ADCY5: variants seen among roughly 807,000 people sequenced by gnomAD.
ADCY5 encodes the protein adenylate cyclase 5.
Under a neutral mutation model 119.7 loss-of-function variants are expected in ADCY5, and 30 were observed. The ratio of observed to expected loss-of-function variants is 0.25; its 90% CI spans 0.19 to 0.34. The LOEUF is 0.34. ADCY5 is among the 10% of genes least tolerant of loss of function. The probability of loss-of-function intolerance (pLI) is 1.00; values close to 1 mark genes in which losing one functional copy is unlikely to be tolerated. For synonymous variants in ADCY5, 753 were observed against 762.2 expected, an observed-to-expected ratio of 0.99 and a Z score of 0.20; for missense variants, 1,324 against 1,775.2, an observed-to-expected ratio of 0.75 and a Z score of 4.57.
chr3:123,447,292 G>A (rs542887504), intron 1 of ADCY5, 120 bp downstream of exon 1: 2 of 1,172,162 alleles, frequency 1.7e-6, no homozygotes, highest in South Asian at 1.7e-5. Context: ...ACATGGCCGA[G>A]CCCTGTCTCT....
At chr3:123,383,872 AAC>A (rs1325174736) in intron 1 of ADCY5, among the ~76,000 whole-genome samples, 14 of 138,040 alleles carry the variant, frequency 1.0e-4, no homozygotes, top group African/African-American at 3.0e-4. Flanking sequence ...CACACACACA[AAC>A]ACACACACAC....
intron 12 of ADCY5, among the ~76,000 whole-genome samples, chr3:123,308,240 T>C (rs1225657269): frequency 4.0e-5 from 6 of 151,790 alleles, no homozygotes; most frequent in Non-Finnish European, 8.8e-5. Context: ...GGTTTCACTG[T>C]GTTAGCCAGG....
At chr3:123,444,306 A>G (rs1945774913) in intron 1 of ADCY5, among the ~76,000 whole-genome samples, 1 of 152,216 alleles carries the variant, frequency 6.6e-6, no homozygotes, top group Non-Finnish European at 1.5e-5. Context: ...AGAGCACAGC[A>G]GAGGCTGAGA....
rs559576810 is a variant in ADCY5 at position 123,348,344 on chromosome 3, T to G, written c.1285-441A>C. 3.3e-5 allele frequency among the ~76,000 whole-genome samples: 5 copies of G among 152,234 alleles called. No individual in the cohort carries two copies. The East Asian group carries it at 9.7e-4, about 29-fold the overall frequency. On this transcript the variant is annotated intron_variant, in intron 2 of 20. Transcript: ENST00000462833. Reference sequence around the variant, plus strand: ...TAAATGAGATCCACTCCATCAGTTATCAAATACTTATTGAGCACCTACCAT... The same window carrying G: ...TAAATGAGATCCACTCCATCAGTTAGCAAATACTTATTGAGCACCTACCAT...
intron 11 of ADCY5, 119 bp downstream of exon 11, chr3:123,317,901 C>T (rs1462244612): frequency 3.9e-5 from 35 of 896,056 alleles, no homozygotes; most frequent in Admixed American, 3.0e-4. Context: ...AACTTCTCTC[C>T]GTGCCTGAGC....
chr3:123,291,916 G>A (rs1939179154), intron 17 of ADCY5, among the ~76,000 whole-genome samples: 1 of 152,212 alleles, frequency 6.6e-6, no homozygotes, highest in Non-Finnish European at 1.5e-5. Context: ...TTGCCCCAGA[G>A]CCAGATGCAG....
intron 11 of ADCY5, among the ~76,000 whole-genome samples, chr3:123,317,545 G>T (rs1940981240): frequency 6.6e-6 from 1 of 151,914 alleles, no homozygotes; most frequent in Admixed American, 6.6e-5. Context: ...GACCAGCCTG[G>T]GCAACATGGT....
intron 14 of ADCY5, among the ~76,000 whole-genome samples, chr3:123,301,324 G>T (rs1002242340): frequency 2.0e-5 from 3 of 152,180 alleles, no homozygotes; most frequent in African/African-American, 7.2e-5. Flanking sequence ...GCCAAGGAAG[G>T]ACTGCCAAGG....
intron 1 of ADCY5, among the ~76,000 whole-genome samples, chr3:123,385,412 C>G (rs1944189026): frequency 6.6e-6 from 1 of 152,136 alleles, no homozygotes; most frequent in African/African-American, 2.4e-5. Flanking sequence ...GTTAATAGAG[C>G]CAAAGTGCTT....
intron 9 of ADCY5, among the ~76,000 whole-genome samples, chr3:123,320,395 G>T (rs934775610): frequency 1.2e-4 from 18 of 152,244 alleles, no homozygotes; most frequent in African/African-American, 4.3e-4. Context: ...AGTGAAGGAG[G>T]GAGAAGAGGG....
chr3:123,430,840 T>C (rs942353116), intron 1 of ADCY5, among the ~76,000 whole-genome samples: 2 of 152,164 alleles, frequency 1.3e-5, no homozygotes, highest in South Asian at 4.1e-4. Context: ...CATCTGCTTC[T>C]CTGTCCTCCC....
intron 1 of ADCY5, among the ~76,000 whole-genome samples, chr3:123,395,257 C>A (rs1014620013): frequency 6.6e-6 from 1 of 152,204 alleles, no homozygotes; most frequent in Non-Finnish European, 1.5e-5. Context: ...CCATGTGGCT[C>A]CACAATGGCT....
intron 1 of ADCY5, among the ~76,000 whole-genome samples, chr3:123,446,469 T>A (rs1007363021): frequency 1.3e-5 from 2 of 152,070 alleles, no homozygotes; most frequent in Admixed American, 6.6e-5. Flanking sequence ...TCAGAAGCAA[T>A]CATGGATGAG....
chr3:123,318,181 C>A, intron 10 of ADCY5, 64 bp from the exon 11 acceptor site: 3 of 1,303,468 alleles, frequency 2.3e-6, no homozygotes, highest in South Asian at 1.2e-5. Context: ...CCAGCCCTGT[C>A]AATCCCACAC....
intron 1 of ADCY5, among the ~76,000 whole-genome samples, chr3:123,377,901 G>A (rs1943889130): frequency 7.9e-6 from 1 of 126,546 alleles, no homozygotes; most frequent in Non-Finnish European, 1.6e-5. Context: ...CAGCACTCCA[G>A]CCTGGGCGAG....
At chr3:123,376,565 ACTGT>A (rs1463493506) in intron 1 of ADCY5, among the ~76,000 whole-genome samples, 2 of 152,142 alleles carry the variant, frequency 1.3e-5, no homozygotes, top group African/African-American at 2.4e-5. Context: ...GCCTCAGGAC[ACTGT>A]CTGCTGAGTG....
intron 1 of ADCY5, among the ~76,000 whole-genome samples, chr3:123,410,467 T>C (rs746028019): frequency 6.6e-6 from 1 of 152,200 alleles, no homozygotes; most frequent in African/African-American, 2.4e-5. Flanking sequence ...GCTAATCTCC[T>C]ATTATTCCAA....
rs758031427 is a variant in ADCY5 at position 123,327,630 on chromosome 3, G to A, written c.1935C>T (p.Cys645=). 1.9e-5 allele frequency: 31 copies of A among 1,613,896 alleles called. No homozygotes were observed. Among genetic ancestry groups the A allele is most frequent in the South Asian group, 1.4e-4 (13 of 91,012 alleles). ...HSIETFLILR[C]TQKRKEEKAM... ...CCAGCCCACAGACCCGCTTCTGGGT[G>A]CAGCGCAGGATGAGGAAGGTCTCGA... Residue 645 remains cysteine (C), a synonymous_variant, in exon 7 of 21, where the codon TGC becomes TGT. Coordinates refer to ENST00000462833, the MANE Select transcript of ADCY5 (RefSeq NM_183357.3).
At chr3:123,375,511 C>T (rs897592892) in intron 1 of ADCY5, among the ~76,000 whole-genome samples, 1 of 152,252 alleles carries the variant, frequency 6.6e-6, no homozygotes, top group Non-Finnish European at 1.5e-5. Context: ...GGGCAGGCCC[C>T]CCATTCCCAG....
Sources: gnomAD v4.1 joint callset for allele counts (sites outside exome capture counted in the v4.1 genomes callset) on GRCh38, gnomAD v4.1.1 for gene constraint, MANE v1.5 for transcripts, NCBI Gene and HGNC (gene_info 2026-07-23, HGNC 2026-07-21) for gene names.